Variants in AHCTF1 observed in about 807,000 individuals in gnomAD.
The protein encoded by AHCTF1 is AT-hook containing transcription factor 1, also known as protein ELYS.
Under a neutral mutation model 248.4 loss-of-function variants are expected in AHCTF1, and 24 were observed. The ratio of observed to expected loss-of-function variants is 0.10; its 90% CI spans 0.07 to 0.14. AHCTF1 has a LOEUF of 0.14. Among genes scored for constraint, AHCTF1 ranks in the 10% least tolerant of loss-of-function variants. The pLI is 1.00. For synonymous variants in AHCTF1, 786 were observed against 929.8 expected (o/e 0.85, Z 2.81); for missense variants, 2,206 against 2,636.2 (o/e 0.84, Z 3.57).
At chr1:246,890,112 A>T (rs1664119678) in intron 16 of AHCTF1, 53 bp from the exon 17 acceptor site, 4 of 1,215,956 alleles carry the variant, frequency 3.3e-6, no homozygotes, top group Non-Finnish European at 4.8e-6. Flanking sequence ...AAATATCTCA[A>T]CAATACATAT....
At chr1:246,868,846 G>GTTTT (rs563383895) in intron 24 of AHCTF1, among the ~76,000 whole-genome samples, 1 of 128,832 alleles carries the variant, frequency 7.8e-6, no homozygotes, top group South Asian at 2.4e-4. Flanking sequence ...TGTGTTTTTT[G>GTTTT]TTTTTTTTTT....
chr1:246,881,586 C>G (rs1663413960), intron 21 of AHCTF1, among the ~76,000 whole-genome samples: 2 of 152,022 alleles, frequency 1.3e-5, no homozygotes, highest in Non-Finnish European at 2.9e-5. Context: ...CCTGTAATCC[C>G]AGCACTTTGG....
At chr1:246,908,365 A>C (rs1435350017) in intron 4 of AHCTF1, among the ~76,000 whole-genome samples, 1 of 150,672 alleles carries the variant, frequency 6.6e-6, no homozygotes, top group African/African-American at 2.4e-5. Flanking sequence ...GGGGAAGCCT[A>C]CCCTCCCCAC....
intron 1 of AHCTF1, among the ~76,000 whole-genome samples, chr1:246,920,305 C>T (rs1296876077): frequency 6.6e-6 from 1 of 151,732 alleles, no homozygotes; most frequent in East Asian, 1.9e-4. Flanking sequence ...TGTAAATCAG[C>T]GATTTAGCTT....
Position 246,894,683 on chromosome 1 carries a change from T to C in AHCTF1, c.1780A>G (p.Thr594Ala). Residue 594 changes from threonine to alanine, a missense_variant, in exon 14 of 36, where the codon ACA becomes GCA. Physicochemically the swap from Thr to Ala is moderately conservative, Grantham distance 58. Around this residue, in one of 6 missense-constraint regions of AHCTF1, gnomAD observed 650 missense variants for 870.8 expected, o/e 0.75. Transcript: ENST00000648844. ...CATAGTCTGTCAAATTCCTCTTTTGTGAGAACCACTTTATTCCACGTCCAT... is the reference window on the plus strand; with the variant it reads ...CATAGTCTGTCAAATTCCTCTTTTGCGAGAACCACTTTATTCCACGTCCAT... The part of the protein sequence containing the change: ...LEWTWNKVVL[T>A]KEEFDRLCVP... The C allele has an allele frequency of 6.2e-7, 1 of 1,613,150 alleles. No homozygotes were observed. Among genetic ancestry groups the C allele is most frequent in the Non-Finnish European group, 8.5e-7 (1 of 1,179,856 alleles).
At chr1:246,901,550 G>A (rs991638655) in intron 8 of AHCTF1, among the ~76,000 whole-genome samples, 2 of 152,294 alleles carry the variant, frequency 1.3e-5, no homozygotes, top group South Asian at 4.1e-4. Context: ...CATGAACCCC[G>A]GAGGCGGAGC....
chr1:246,928,005 A>T (rs1667066622), intron 1 of AHCTF1, among the ~76,000 whole-genome samples: 2 of 151,968 alleles, frequency 1.3e-5, no homozygotes, highest in South Asian at 4.2e-4. Flanking sequence ...CCACCAAAAA[A>T]TTAATTAATT....
chr1:246,913,397 G>A lies in AHCTF1; in HGVS notation c.391C>T (p.Pro131Ser). The A allele has an allele frequency of 1.2e-6, 2 of 1,608,734 alleles. No individual in the cohort carries two copies. Among genetic ancestry groups the A allele is most frequent in the Non-Finnish European group, 1.7e-6 (2 of 1,177,032 alleles). Residue 131 changes from proline (P) to serine (S), a missense_variant, in exon 4 of 36, where the codon CCT (proline) becomes TCT (serine). Coordinates refer to ENST00000648844, the MANE Select transcript of AHCTF1 (RefSeq NM_001323342.2). ...VLPGRVTAIE[P>S]IINHGGASAS... is the part of the protein sequence containing the mutation. ...CTGGCTCCTCCATGATTAATTATAG[G>A]TTCAATAGCTGTTACCTAGAAAACA...
chr1:246,859,119 T>C (rs184044269), intron 29 of AHCTF1, among the ~76,000 whole-genome samples: 1 of 152,312 alleles, frequency 6.6e-6, no homozygotes, highest in Admixed American at 6.5e-5. Context: ...TTTATGGGCA[T>C]GGTCCTAAAG....
intron 29 of AHCTF1, among the ~76,000 whole-genome samples, chr1:246,860,613 C>T (rs1315162783): frequency 3.3e-5 from 5 of 152,102 alleles, no homozygotes; most frequent in Non-Finnish European, 7.3e-5. Context: ...TACAGTGGTG[C>T]AATCATGACT....
intron 7 of AHCTF1, among the ~76,000 whole-genome samples, chr1:246,903,530 A>G (rs1558264058): frequency 1.3e-5 from 2 of 152,104 alleles, no homozygotes; most frequent in Non-Finnish European, 2.9e-5. Context: ...TAACTTCAAT[A>G]TAAGAATCGC....
intron 1 of AHCTF1, among the ~76,000 whole-genome samples, chr1:246,923,212 T>G (rs1443081434): frequency 6.6e-6 from 1 of 150,904 alleles, no homozygotes; most frequent in Non-Finnish European, 1.5e-5. Flanking sequence ...GTCAGGAGTT[T>G]GAGACCAGCC....
chr1:246,919,599 C>T (rs914630889), intron 1 of AHCTF1, among the ~76,000 whole-genome samples: 5 of 151,576 alleles, frequency 3.3e-5, no homozygotes, highest in Non-Finnish European at 7.4e-5. Context: ...TGTAGTCTCA[C>T]CTACTCGGGA....
At chr1:246,873,858 T>C (rs1026102818) in intron 24 of AHCTF1, among the ~76,000 whole-genome samples, 13 of 152,324 alleles carry the variant, frequency 8.5e-5, no homozygotes, top group South Asian at 6.2e-4. Context: ...GACTAACACA[T>C]GTATAGTAAA....
chr1:246,916,481 G>A lies in AHCTF1; in HGVS notation c.122-86C>T, dbSNP rs115550883. 3.7e-4 allele frequency: 438 copies of A among 1,188,730 alleles called. 3 individuals carry two copies. In the African/African-American group the frequency reaches 5.9e-3, roughly 16 times the overall value. The allele number at this position is 1,188,730 out of a possible 1,614,324, so 73.6% of individuals were successfully genotyped here. A position where few individuals can be genotyped will look rare whatever the true frequency, so the allele number is the denominator to read the frequency against. ...TTAGCTCATTTACATACAACTATAT[G>A]TTCATTACATAAAACTTTACATATT... is the stretch of plus-strand genomic sequence containing the variant. On this transcript the variant is annotated intron_variant, in intron 2 of 35. Transcript: ENST00000648844.
intron 7 of AHCTF1, 52 bp from the exon 8 acceptor site, chr1:246,902,727 C>A: frequency 6.9e-7 from 1 of 1,457,508 alleles, no homozygotes; most frequent in Non-Finnish European, 9.2e-7. Flanking sequence ...CAAAAAGTCA[C>A]TCTAAAATTA....
In AHCTF1 at chr1:246,902,281, G is replaced by A. The variant is rs186187248; in HGVS notation, c.1117+244C>T. ...CTCACACTAGTTCAGACTAGGGATC[G>A]CCTGTTTTGAGAACTAGATTAAAAT... is the stretch of plus-strand genomic sequence containing the variant. On this transcript the variant is annotated intron_variant, in intron 8 of 35. Coordinates refer to ENST00000648844, the MANE Select transcript of AHCTF1 (RefSeq NM_001323342.2). Among the ~76,000 whole-genome samples, 304 of 152,208 alleles carry A rather than the reference G, an allele frequency of 2.0e-3. 3 individuals are homozygous for A. Among genetic ancestry groups the A allele is most frequent in the Non-Finnish European group, 2.5e-3 (170 of 68,010 alleles).
chr1:246,849,179 A>G (rs1285622483), intron 33 of AHCTF1, among the ~76,000 whole-genome samples: 1 of 152,210 alleles, frequency 6.6e-6, no homozygotes, highest in African/African-American at 2.4e-5. Context: ...GCAATAGTGA[A>G]TATGGATTGA....
At chr1:246,891,992 T>C in intron 14 of AHCTF1, 73 bp from the exon 15 acceptor site, 1 of 1,439,064 alleles carries the variant, frequency 6.9e-7, no homozygotes. Context: ...ATGCAAAATT[T>C]CTCAAACTCC....
Sources: gnomAD v4.1 joint callset for allele counts (sites outside exome capture counted in the v4.1 genomes callset) on GRCh38, gnomAD v4.1.1 for gene constraint, gnomAD v4.1.1 regional missense constraint, MANE v1.5 for transcripts, NCBI Gene and HGNC (gene_info 2026-07-23, HGNC 2026-07-21) for gene names.